Variants in HOMER3 observed in about 807,000 individuals in gnomAD.
The protein encoded by HOMER3 is homer scaffold protein 3.
Under a neutral mutation model 45.5 loss-of-function variants are expected in HOMER3, and 34 were observed. The ratio of observed to expected loss-of-function variants is 0.75; its 90% CI spans 0.57 to 1.00. The LOEUF is 1.00. Ranked by LOEUF, HOMER3 falls within the 50% of genes least tolerant of loss-of-function variation. The pLI is 0.00. For synonymous variants in HOMER3, 223 were observed against 208.8 expected (o/e 1.07, Z -0.58); for missense variants, 480 against 497.5 (o/e 0.96, Z 0.33).
At position 18,938,999 on chromosome 19, in the gene HOMER3, G is replaced by C; in HGVS notation, c.-17C>G. 1 of 1,574,692 alleles carries C rather than the reference G, an allele frequency of 6.4e-7. No homozygotes were observed. Among genetic ancestry groups the C allele is most frequent in the Non-Finnish European group, 8.6e-7 (1 of 1,160,432 alleles). On this transcript the variant is annotated 5_prime_UTR_variant, in exon 2 of 10. Transcript: ENST00000392351. ...TGTGGACATTGGTCAGGCTGGGATG[G>C]GCAGGCTCTAGGGGGCAGCCAGAGA... is the stretch of plus-strand genomic sequence containing the variant.
intron 6 of HOMER3, among the ~76,000 whole-genome samples, chr19:18,932,454 G>A (rs2057046864): frequency 6.6e-6 from 1 of 151,972 alleles, no homozygotes; most frequent in African/African-American, 2.4e-5. Context: ...GCTAGGGCAC[G>A]GAGTCAGGGC....
intron 6 of HOMER3, among the ~76,000 whole-genome samples, chr19:18,932,468 G>T (rs2057047032): frequency 6.6e-6 from 1 of 152,040 alleles, no homozygotes; most frequent in South Asian, 2.1e-4. Flanking sequence ...TCAGGGCCAC[G>T]CAGGGCTGGG....
Position 18,929,252 on chromosome 19 carries a change from GC to G in HOMER3, c.*190del, listed in dbSNP as rs1739141061. The G allele has an allele frequency of 1.3e-6, 1 of 768,006 alleles. No homozygotes were observed. Among genetic ancestry groups the G allele is most frequent in the Admixed American group, 1.7e-5 (1 of 58,996 alleles). 47.6% of individuals were successfully genotyped at this position (768,006 alleles called of 1,614,324 possible). A position where few individuals can be genotyped will look rare whatever the true frequency, so the allele number is the denominator to read the frequency against. On this transcript the variant is annotated 3_prime_UTR_variant, in exon 10 of 10. Transcript: ENST00000392351. ...ATCTAGAAATTCTACACAATGAGAAGCTCAAAAACAGCCCCAAAGCTGCCAA... is the reference window on the plus strand; with the variant it reads ...ATCTAGAAATTCTACACAATGAGAAGTCAAAAACAGCCCCAAAGCTGCCAA...
At chr19:18,932,257 G>A (rs957918701) in intron 6 of HOMER3, 125 bp from the exon 7 acceptor site, 2 of 1,027,340 alleles carry the variant, frequency 1.9e-6, no homozygotes, top group South Asian at 3.6e-5. Context: ...GAAGGCTGGC[G>A]AGGGTGCGGA....
Position 18,939,030 on chromosome 19 carries a change from C to G in HOMER3, c.-48G>C, listed in dbSNP as rs759881904. The G allele has an allele frequency of 2.6e-6, 4 of 1,533,262 alleles. No individual in the cohort carries two copies. Among genetic ancestry groups the G allele is most frequent in the Non-Finnish European group, 3.5e-6 (4 of 1,140,826 alleles). The allele number at this position is 1,533,262 out of a possible 1,614,324, so 95.0% of individuals were successfully genotyped here. A position where few individuals can be genotyped will look rare whatever the true frequency, so the allele number is the denominator to read the frequency against. ...CTCTAGGGGGCAGCCAGAGAGGTGG[C>G]AGGAGCACTGGTTTGGCCCCTAGGG... On this transcript the variant is annotated 5_prime_UTR_variant, in exon 2 of 10. Coordinates refer to ENST00000392351, the MANE Select transcript of HOMER3 (RefSeq NM_004838.4).
chr19:18,934,712 G>A (rs1278938829), intron 4 of HOMER3, among the ~76,000 whole-genome samples: 1 of 151,850 alleles, frequency 6.6e-6, no homozygotes, highest in Non-Finnish European at 1.5e-5. Context: ...GCATGATCTC[G>A]GCTCACTGCA....
rs780062792 is a variant in HOMER3 at position 18,931,492 on chromosome 19, C to A, written c.807+17G>T. On this transcript the variant is annotated intron_variant, in intron 8 of 9. Coordinates refer to ENST00000392351, the MANE Select transcript of HOMER3 (RefSeq NM_004838.4). ...GGTGAGGGAAGGCGAGGCCCAGGAA[C>A]CACACTTGGCACTCACCTGGTCCTT... 6.2e-7 allele frequency: 1 copy of A among 1,612,542 alleles called. No homozygotes were observed. Among genetic ancestry groups the A allele is most frequent in the East Asian group, 2.2e-5 (1 of 44,836 alleles).
At position 18,936,347 on chromosome 19, in the gene HOMER3, A is replaced by AT. The variant is rs1286355126; in HGVS notation, c.304-1938dup. Among the ~76,000 whole-genome samples, 7 of 149,452 alleles carry AT rather than the reference A, an allele frequency of 4.7e-5. 1 individual carries two copies. Among genetic ancestry groups the AT allele is most frequent in the African/African-American group, 7.4e-5 (3 of 40,506 alleles). On this transcript the variant is annotated intron_variant, in intron 4 of 9. Coordinates refer to ENST00000392351, the MANE Select transcript of HOMER3 (RefSeq NM_004838.4). ...AAATAAATAAATAAATAAATAAATG[A>AT]TTTTTTAGGCTGGGTGCAGTGGCTC...
chr19:18,931,267 GTGTC>G, intron 9 of HOMER3, 54 bp downstream of exon 9: 2 of 1,404,436 alleles, frequency 1.4e-6, no homozygotes, highest in Admixed American at 1.7e-5. Context: ...ATTGTCCTGA[GTGTC>G]TGTTGAGGTG....
At chr19:18,937,258 C>A (rs2057102628) in intron 4 of HOMER3, among the ~76,000 whole-genome samples, 1 of 135,908 alleles carries the variant, frequency 7.4e-6, no homozygotes, top group African/African-American at 2.6e-5. Context: ...CTGCAGTGAG[C>A]CATGATTGCA....
intron 5 of HOMER3, 30 bp from the exon 6 acceptor site, chr19:18,933,075 C>A: frequency 6.8e-7 from 1 of 1,467,886 alleles, no homozygotes; most frequent in Non-Finnish European, 9.0e-7. Flanking sequence ...TAGGTCACGA[C>A]CCCACATCAG....
rs770291918 is a variant in HOMER3, at chr19:18,933,042, G to A, written c.415C>T (p.Pro139Ser). ...PALGLASHQV[P>S]PSPLVSANGP... ...TTGGCACTGACGAGAGGGCTCGGGG[G>A]CACCTAGGCACGGGGAAAAGAATAG... The change falls in exon 6 of 10, where the codon CCC becomes TCC. Residue 139 changes from proline (P) to serine (S), a missense_variant. By Grantham distance (74) the Pro-to-Ser change is moderately conservative. Coordinates refer to ENST00000392351, the MANE Select transcript of HOMER3 (RefSeq NM_004838.4). 2.7e-6 allele frequency: 4 copies of A among 1,488,650 alleles called. No homozygotes were observed. The highest frequency in any genetic ancestry group is 5.5e-5 in the Admixed American group (2 of 36,146). 92.2% of individuals were successfully genotyped at this position (1,488,650 alleles called of 1,614,324 possible).
At position 18,932,081 on chromosome 19, in the gene HOMER3, G is replaced by A; in HGVS notation, c.585C>T (p.Ser195=). ...GCAGGGCGCCTGCCAGCTTGTTGTT[G>A]CTGTCCTGCAGTGCGAAAAACTCGG... The part of the protein sequence containing the change: ...WEAEFFALQD[S]NNKLAGALRE... Residue 195 remains serine, a synonymous_variant, in exon 7 of 10, where the codon AGC becomes AGT. Transcript: ENST00000392351. 1 of 1,569,158 alleles carries A rather than the reference G, an allele frequency of 6.4e-7. No homozygotes were observed. Among genetic ancestry groups the A allele is most frequent in the Non-Finnish European group, 8.6e-7 (1 of 1,159,188 alleles).
Position 18,932,100 on chromosome 19 carries a change from A to G in HOMER3, c.566T>C (p.Phe189Ser). The change falls in exon 7 of 10, where the codon TTT becomes TCT. Residue 189 changes from phenylalanine (F) to serine (S), a missense_variant. Physicochemically the swap from Phe to Ser is radical, Grantham distance 155. Transcript: ENST00000392351. Reference protein sequence around the residue: ...SVGEVQWEAEFFALQDSNNKL... With the variant: ...SVGEVQWEAESFALQDSNNKL... ...GTTGTTGCTGTCCTGCAGTGCGAAA[A>G]ACTCGGCCTCCCACTGTACCTCGCC... The G allele has an allele frequency of 1.9e-6, 3 of 1,570,024 alleles. No homozygotes were observed. The highest frequency in any genetic ancestry group is 2.6e-6 in the Non-Finnish European group (3 of 1,160,072).
rs749225434 is a variant in HOMER3 at position 18,938,393 on chromosome 19, A to G, written c.263T>C (p.Val88Ala). The G allele has an allele frequency of 6.2e-7, 1 of 1,613,862 alleles. No homozygotes were observed. The highest frequency in any genetic ancestry group is 1.1e-5 in the South Asian group (1 of 91,052). ...TTCAGAGGCAAAGCCCAGGCCGTAG[A>G]CTGTGTTGGCGCGACTGTCGGCCCA... ...GQWADSRANT[V>A]YGLGFASEQH... The change falls in exon 4 of 10, where the codon GTC becomes GCC. Residue 88 changes from valine (V) to alanine (A), a missense_variant. Transcript: ENST00000392351.
chr19:18,931,919 G>A (rs1454097068), intron 7 of HOMER3, 57 bp downstream of exon 7: 8 of 1,465,326 alleles, frequency 5.5e-6, no homozygotes, highest in Middle Eastern at 2.5e-4. Context: ...GCCGAGGCGC[G>A]GTCTCCACAG....
At chr19:18,938,701 TC>T in intron 3 of HOMER3, 26 bp downstream of exon 3, 1 of 1,574,300 alleles carries the variant, frequency 6.4e-7, no homozygotes, top group Non-Finnish European at 8.6e-7. Flanking sequence ...TCCTGGTGCC[TC>T]TGCCCCACCC....
chr19:18,938,565 G>T, intron 3 of HOMER3, 81 bp from the exon 4 acceptor site: 1 of 1,532,814 alleles, frequency 6.5e-7, no homozygotes, highest in South Asian at 1.2e-5. Flanking sequence ...CCTTGTATTA[G>T]GGTCTTGAAG....
At chr19:18,932,464 C>A (rs1442257198) in intron 6 of HOMER3, among the ~76,000 whole-genome samples, 2 of 151,816 alleles carry the variant, frequency 1.3e-5, no homozygotes, top group African/African-American at 2.4e-5. Context: ...GGAGTCAGGG[C>A]CACGCAGGGC....
Sources: gnomAD v4.1 joint callset for allele counts (sites outside exome capture counted in the v4.1 genomes callset) on GRCh38, gnomAD v4.1.1 for gene constraint, MANE v1.5 for transcripts, NCBI Gene and HGNC (gene_info 2026-07-23, HGNC 2026-07-21) for gene names.